Variants in ITGAM observed in about 807,000 individuals in gnomAD.
The protein encoded by ITGAM is integrin alpha-M.
In ITGAM, 79 loss-of-function variants were observed where a neutral mutation model predicts 137.5. That is an observed-to-expected ratio of 0.57 (90% CI 0.48 to 0.69). The LOEUF is 0.69. ITGAM is among the 30% of genes least tolerant of loss of function. The pLI, the probability that ITGAM is intolerant of heterozygous loss-of-function variation, is 0.00. For missense variants in ITGAM, 1,343 were observed against 1,483.5 expected (o/e 0.91, Z 1.56); for synonymous variants, 583 against 592.3 (o/e 0.98, Z 0.23).
chr16:31,267,771 G>T (rs1233986069), intron 5 of ITGAM, among the ~76,000 whole-genome samples: 1 of 151,834 alleles, frequency 6.6e-6, no homozygotes, highest in Admixed American at 6.6e-5. Context: ...TTGTGCCTCC[G>T]CCTCCAGAGT....
chr16:31,278,193 T>A (rs2079931238), intron 12 of ITGAM, 84 bp downstream of exon 12: 1 of 1,408,200 alleles, frequency 7.1e-7, no homozygotes, highest in Admixed American at 2.3e-5. Context: ...TCAGATGACA[T>A]GCATGGCCCT....
chr16:31,322,351 T>C (rs1013224488), intron 16 of ITGAM, among the ~76,000 whole-genome samples: 20 of 152,114 alleles, frequency 1.3e-4, no homozygotes, highest in African/African-American at 4.8e-4. Context: ...ATTCCAGATA[T>C]GAGAGCAGCC....
intron 14 of ITGAM, among the ~76,000 whole-genome samples, chr16:31,303,732 A>G (rs1266734572): frequency 2.6e-5 from 4 of 152,188 alleles, no homozygotes; most frequent in Non-Finnish European, 5.9e-5. Context: ...TACTTCAGTA[A>G]TGGCCTCCAG....
At position 31,331,833 on chromosome 16, in the gene ITGAM, A is replaced by T; in HGVS notation, c.*126A>T. ...CCCGACAGGACGGGCTTGGGCTTCCATTTGTGTGTGTGCAAGTGTGTATGT... is the reference window on the plus strand; with the variant it reads ...CCCGACAGGACGGGCTTGGGCTTCCTTTTGTGTGTGTGCAAGTGTGTATGT... On this transcript the variant is annotated 3_prime_UTR_variant, in exon 30 of 30. Coordinates refer to ENST00000544665, the MANE Select transcript of ITGAM (RefSeq NM_000632.4). 1 of 722,240 alleles carries T rather than the reference A, an allele frequency of 1.4e-6. No individual in the cohort carries two copies. Among genetic ancestry groups the T allele is most frequent in the Non-Finnish European group, 2.3e-6 (1 of 435,294 alleles). 44.7% of individuals were successfully genotyped at this position (722,240 alleles called of 1,614,324 possible).
At chr16:31,270,013 G>C (rs1245759191) in intron 5 of ITGAM, among the ~76,000 whole-genome samples, 1 of 152,118 alleles carries the variant, frequency 6.6e-6, no homozygotes, top group Non-Finnish European at 1.5e-5. Flanking sequence ...TTTGGGGATG[G>C]GGCAGAAGGC....
chr16:31,272,098 C>T, intron 7 of ITGAM, 106 bp downstream of exon 7: 1 of 1,360,028 alleles, frequency 7.4e-7, no homozygotes. Flanking sequence ...AGGATGCTTC[C>T]CCACCGGCAG....
In ITGAM at chr16:31,332,044, T is replaced by C. The variant is rs757029962; in HGVS notation, c.*337T>C. On this transcript the variant is annotated 3_prime_UTR_variant, in exon 30 of 30. Coordinates refer to ENST00000544665, the MANE Select transcript of ITGAM (RefSeq NM_000632.4). ...GTGCATGTGTGTGCTCAGGGGCGTG[T>C]GGCTCACGTGTGTGACTCAGATGTC... is the stretch of plus-strand genomic sequence containing the variant. 2 of 276,856 alleles carry C rather than the reference T, an allele frequency of 7.2e-6. No homozygotes were observed. Among genetic ancestry groups the C allele is most frequent in the Non-Finnish European group, 1.4e-5 (2 of 145,538 alleles). 17.1% of individuals were successfully genotyped at this position (276,856 alleles called of 1,614,324 possible).
At chr16:31,298,148 GT>G (rs1356145490) in intron 14 of ITGAM, among the ~76,000 whole-genome samples, 194 bp downstream of exon 14, 1 of 133,138 alleles carries the variant, frequency 7.5e-6, no homozygotes, top group Non-Finnish European at 1.5e-5. Flanking sequence ...TGGGAGGATT[GT>G]TTAAGCCCAG....
intron 12 of ITGAM, among the ~76,000 whole-genome samples, chr16:31,280,676 T>C (rs1426515750): frequency 6.6e-6 from 1 of 152,182 alleles, no homozygotes; most frequent in Admixed American, 6.5e-5. Flanking sequence ...AATCATGTCG[T>C]CTGCAAACAG....
In ITGAM at chr16:31,330,498, C is replaced by T. The variant is rs771986126; in HGVS notation, c.3175-6C>T. On this transcript the variant is annotated splice_region_variant and splice_polypyrimidine_tract_variant and intron_variant, in intron 27 of 29. Transcript: ENST00000544665. The stretch of plus-strand genomic sequence containing the variant: ...AGGTGCAGTGCCCACCCGCTCTCTT[C>T]CACAGACCTCGCATAACCACCTCCT... The T allele has an allele frequency of 1.9e-6, 3 of 1,613,614 alleles. No homozygotes were observed. Among genetic ancestry groups the T allele is most frequent in the Admixed American group, 1.7e-5 (1 of 59,990 alleles).
At position 31,261,198 on chromosome 16, in the gene ITGAM, C is replaced by CTTT. The variant is rs1017498448; in HGVS notation, c.29-474_29-472dup. Among the ~76,000 whole-genome samples the CTTT allele has an allele frequency of 6.8e-3, 840 of 123,178 alleles. 14 individuals carry two copies. Among genetic ancestry groups the CTTT allele is most frequent in the African/African-American group, 0.023 (806 of 34,544 alleles). The allele number at this position is 123,178 out of a possible 152,430, so 80.8% of individuals were successfully genotyped here. On this transcript the variant is annotated intron_variant, in intron 1 of 29. Transcript: ENST00000544665. ...ATGGAGCAGGAAGACATGCTGCTATCTTTTTTTTTTTTTTTTTTTTTTGAT... is the reference window on the plus strand; with the variant it reads ...ATGGAGCAGGAAGACATGCTGCTATCTTTTTTTTTTTTTTTTTTTTTTTTTGAT...
intron 5 of ITGAM, 87 bp downstream of exon 5, chr16:31,266,234 G>T (rs1201925340): frequency 7.9e-6 from 7 of 891,370 alleles, no homozygotes; most frequent in Non-Finnish European, 1.3e-5. Flanking sequence ...TCAAGGTCTG[G>T]GCTCTGGGTG....
At chr16:31,309,747 T>C (rs1015831810) in intron 14 of ITGAM, among the ~76,000 whole-genome samples, 1 of 152,196 alleles carries the variant, frequency 6.6e-6, no homozygotes, top group African/African-American at 2.4e-5. Context: ...CTTCTTAGCC[T>C]TGATGGTCTT....
intron 12 of ITGAM, among the ~76,000 whole-genome samples, chr16:31,287,232 T>C (rs1162937677): frequency 6.6e-6 from 1 of 152,160 alleles, no homozygotes; most frequent in African/African-American, 2.4e-5. Context: ...TCTATTCCGT[T>C]GGTCTATGTG....
intron 23 of ITGAM, chr16:31,329,001 TG>T: frequency 1.6e-6 from 1 of 611,308 alleles, no homozygotes; most frequent in South Asian, 1.9e-5. Flanking sequence ...TATGTGCTCA[TG>T]GGTGTGCATT....
At chr16:31,325,758 T>G in intron 21 of ITGAM, 136 bp downstream of exon 21, 4 of 1,082,166 alleles carry the variant, frequency 3.7e-6, no homozygotes, top group East Asian at 2.6e-5. Context: ...TACCATCCAA[T>G]TCACCTATTT....
chr16:31,320,952 C>T (rs764019121), intron 14 of ITGAM, among the ~76,000 whole-genome samples: 12 of 152,174 alleles, frequency 7.9e-5, no homozygotes, highest in Non-Finnish European at 1.3e-4. Context: ...AGGGCAGAAT[C>T]GCTTGAGCCC....
intron 14 of ITGAM, among the ~76,000 whole-genome samples, chr16:31,319,752 CT>C (rs1373181687): frequency 1.3e-5 from 2 of 151,424 alleles, no homozygotes; most frequent in African/African-American, 4.8e-5. Context: ...CTCTTGCTGT[CT>C]TCCTTTGTGT....
chr16:31,285,830 A>C (rs2080023647), intron 12 of ITGAM, among the ~76,000 whole-genome samples: 1 of 144,458 alleles, frequency 6.9e-6, no homozygotes, highest in African/African-American at 2.6e-5. Context: ...ACAGGGTCTC[A>C]CTATGTTGCC....
Sources: gnomAD v4.1 joint callset for allele counts (sites outside exome capture counted in the v4.1 genomes callset) on GRCh38, gnomAD v4.1.1 for gene constraint, MANE v1.5 for transcripts, NCBI Gene and HGNC (gene_info 2026-07-23, HGNC 2026-07-21) for gene names.